The following CDH13 variants were observed in gnomAD, a reference collection of about 807,000 sequenced individuals.
CDH13 encodes the protein cadherin 13.
A neutral mutation model predicts 63.8 loss-of-function variants in CDH13; 24 were observed. The ratio of observed to expected loss-of-function variants is 0.38; its 90% CI spans 0.27 to 0.53. The LOEUF (loss-of-function observed/expected upper bound fraction) is 0.53, where lower values mean the gene tolerates loss of function less well. Among genes scored for constraint, CDH13 ranks in the 20% least tolerant of loss-of-function variants. CDH13 has a pLI of 0.85. For missense variants in CDH13, 1,049 were observed against 903.1 expected, an observed-to-expected ratio of 1.16 and a Z score of -2.07; for synonymous variants, 503 against 355.3, an observed-to-expected ratio of 1.42 and a Z score of -4.67.
intron 2 of CDH13, among the ~76,000 whole-genome samples, chr16:83,026,723 C>T (rs1225466842): frequency 6.6e-6 from 1 of 152,132 alleles, no homozygotes; most frequent in Non-Finnish European, 1.5e-5. Flanking sequence ...CAGTCCTTTG[C>T]ATAGAGCGTA....
chr16:82,899,383 G>A (rs1385738539), intron 2 of CDH13, among the ~76,000 whole-genome samples: 1 of 152,120 alleles, frequency 6.6e-6, no homozygotes, highest in East Asian at 1.9e-4. Context: ...AATGGTTTAC[G>A]CAAAAGCCAT....
At chr16:82,641,262 C>A (rs1339020167) in intron 1 of CDH13, among the ~76,000 whole-genome samples, 1 of 152,168 alleles carries the variant, frequency 6.6e-6, no homozygotes, top group East Asian at 1.9e-4. Context: ...CCCTGCTGAG[C>A]CTTTGCTGTC....
At chr16:83,561,167 C>T (rs1375549798) in intron 7 of CDH13, among the ~76,000 whole-genome samples, 2 of 151,988 alleles carry the variant, frequency 1.3e-5, no homozygotes, top group Non-Finnish European at 2.9e-5. Flanking sequence ...AGACTTCAGG[C>T]CGGGCGCAGT....
intron 2 of CDH13, among the ~76,000 whole-genome samples, chr16:82,944,315 T>C (rs1422977420): frequency 6.6e-6 from 1 of 152,060 alleles, no homozygotes; most frequent in East Asian, 1.9e-4. Context: ...TGGTGGAAAA[T>C]GGATTACTAC....
chr16:82,693,886 C>T (rs1216383648), intron 1 of CDH13, among the ~76,000 whole-genome samples: 1 of 152,288 alleles, frequency 6.6e-6, no homozygotes, highest in South Asian at 2.1e-4. Flanking sequence ...AATCTTATAA[C>T]ATTCTTGGTT....
At chr16:83,509,741 A>T (rs1313780252) in intron 7 of CDH13, among the ~76,000 whole-genome samples, 1 of 152,210 alleles carries the variant, frequency 6.6e-6, no homozygotes, top group African/African-American at 2.4e-5. Context: ...TACTAATAAT[A>T]AAAACTAAGT....
At chr16:83,572,208 G>A (rs1011612652) in intron 7 of CDH13, among the ~76,000 whole-genome samples, 1 of 140,342 alleles carries the variant, frequency 7.1e-6, no homozygotes, top group African/African-American at 2.9e-5. Flanking sequence ...GTGTGTGTGT[G>A]TGAGTTTCAC....
At chr16:83,596,464 G>T (rs530629022) in intron 7 of CDH13, among the ~76,000 whole-genome samples, 1 of 152,256 alleles carries the variant, frequency 6.6e-6, no homozygotes, top group African/African-American at 2.4e-5. Context: ...AGACAAACAT[G>T]ACAAGTGGCC....
At chr16:83,424,269 G>T (rs929879634) in intron 6 of CDH13, among the ~76,000 whole-genome samples, 3 of 152,238 alleles carry the variant, frequency 2.0e-5, no homozygotes, top group African/African-American at 7.2e-5. Flanking sequence ...CAGTCTAGAA[G>T]AGGAAAATCC....
intron 4 of CDH13, among the ~76,000 whole-genome samples, chr16:83,175,624 A>C (rs2038090033): frequency 6.6e-6 from 1 of 152,018 alleles, no homozygotes; most frequent in Non-Finnish European, 1.5e-5. Flanking sequence ...TGACCAGCAC[A>C]CTTGTTCACT....
At chr16:83,077,186 CTTTTTT>C (rs34536219) in intron 3 of CDH13, among the ~76,000 whole-genome samples, 155 of 59,166 alleles carry the variant, frequency 2.6e-3, no homozygotes, top group African/African-American at 9.4e-3. Context: ...TTTTTCTTTT[CTTTTTT>C]TTTTTTTTTT....
At chr16:83,446,378 G>A (rs1048166587) in intron 6 of CDH13, among the ~76,000 whole-genome samples, 5 of 151,930 alleles carry the variant, frequency 3.3e-5, no homozygotes, top group Non-Finnish European at 7.4e-5. Flanking sequence ...TAAGCCCTTA[G>A]GCATAGATGG....
Position 83,796,735 on chromosome 16 carries a change from G to A in CDH13, c.*1705G>A, listed in dbSNP as rs1290708852. ...ATCTCTGGTTGGTGAGTGAGTCTAT[G>A]AAGACAGAAGTACCAGTTCTCAGCA... is the stretch of plus-strand genomic sequence containing the variant. On this transcript the variant is annotated 3_prime_UTR_variant, in exon 14 of 14. Coordinates refer to ENST00000567109, the MANE Select transcript of CDH13 (RefSeq NM_001257.5). The A allele has an allele frequency of 1.3e-5, 2 of 152,194 alleles. No homozygotes were observed. Among genetic ancestry groups the A allele is most frequent in the African/African-American group, 2.4e-5 (1 of 41,448 alleles). The allele number at this position is 152,194 out of a possible 1,614,324, so 9.4% of individuals were successfully genotyped here. A position where few individuals can be genotyped will look rare whatever the true frequency, so the allele number is the denominator to read the frequency against.
rs1304969390 is a variant in CDH13 at position 83,799,605 on chromosome 16, T to C, written c.*4575T>C. On this transcript the variant is annotated 3_prime_UTR_variant, in exon 14 of 14. Coordinates refer to ENST00000567109, the MANE Select transcript of CDH13 (RefSeq NM_001257.5). The stretch of plus-strand genomic sequence containing the variant: ...CTAAAAAAGCCACCTACCTTTTCTG[T>C]TTACCAAATACTAAGAATAATAATC... The C allele has an allele frequency of 6.6e-6, 1 of 152,162 alleles. No individual in the cohort carries two copies. Among genetic ancestry groups the C allele is most frequent in the African/African-American group, 2.4e-5 (1 of 41,442 alleles). 9.4% of individuals were successfully genotyped at this position (152,162 alleles called of 1,614,324 possible).
intron 11 of CDH13, among the ~76,000 whole-genome samples, chr16:83,752,186 AAG>A (rs1913144316): frequency 6.6e-6 from 1 of 152,242 alleles, no homozygotes; most frequent in Non-Finnish European, 1.5e-5. Context: ...GAATGTCAAG[AAG>A]CATGGATGAA....
chr16:82,874,863 G>C (rs1033754964), intron 2 of CDH13, among the ~76,000 whole-genome samples: 2 of 152,126 alleles, frequency 1.3e-5, no homozygotes, highest in Non-Finnish European at 2.9e-5. Flanking sequence ...AGAGGGGAAG[G>C]AGAATAAGAA....
At chr16:82,713,398 CAA>C (rs2032107162) in intron 1 of CDH13, among the ~76,000 whole-genome samples, 1 of 152,088 alleles carries the variant, frequency 6.6e-6, no homozygotes, top group East Asian at 1.9e-4. Flanking sequence ...ATGATGAGAT[CAA>C]GAGAGCTTCT....
intron 2 of CDH13, chr16:82,884,196 T>C (rs1013627719): frequency 1.1e-5 from 5 of 455,866 alleles, no homozygotes; most frequent in Non-Finnish European, 2.2e-5. Context: ...TGTATTCTAC[T>C]AGCTGACAGA....
Position 83,519,635 on chromosome 16 carries a change from A to C in CDH13, c.960+32980A>C, listed in dbSNP as rs368661225. On this transcript the variant is annotated intron_variant, in intron 7 of 13. Coordinates refer to ENST00000567109, the MANE Select transcript of CDH13 (RefSeq NM_001257.5). ...AGGAAATGAGTTAAACCTATTTCTA[A>C]AATGTCCAAAATTAGCTGTTCAAAG... is the stretch of plus-strand genomic sequence containing the variant. 2.4e-4 allele frequency among the ~76,000 whole-genome samples: 37 copies of C among 152,316 alleles called. No individual in the cohort carries two copies. The South Asian group carries it at 6.8e-3, about 28-fold the overall frequency.
Sources: gnomAD v4.1 joint callset for allele counts (sites outside exome capture counted in the v4.1 genomes callset) on GRCh38, gnomAD v4.1.1 for gene constraint, MANE v1.5 for transcripts, NCBI Gene and HGNC (gene_info 2026-07-23, HGNC 2026-07-21) for gene names.